The following TMEM218 variants were observed in gnomAD, a reference collection of about 807,000 sequenced individuals.
The protein encoded by TMEM218 is transmembrane protein 218.
Under a neutral mutation model 10.0 loss-of-function variants are expected in TMEM218, and 8 were observed. The observed-to-expected ratio is 0.80, with a 90% confidence interval of 0.47 to 1.44. TMEM218 has a LOEUF of 1.44. Ranked by LOEUF, TMEM218 falls within the 40% of genes most tolerant of loss-of-function variation. TMEM218 has a pLI of 0.00. For missense variants in TMEM218, 110 were observed against 140.1 expected (o/e 0.79, Z 1.08); for synonymous variants, 66 against 63.5 (o/e 1.04, Z -0.18).
chr11:125,096,549 A>G lies in TMEM218; in HGVS notation c.*1057T>C, dbSNP rs1949676565. ...TGAGACCGTTGTAAAAATTAAATAA[A>G]TTAAACCTCAAAGGAATTAGTGTGC... On this transcript the variant is annotated 3_prime_UTR_variant, in exon 5 of 5. Coordinates refer to ENST00000682305, the MANE Select transcript of TMEM218 (RefSeq NM_001258244.2). 1 of 152,232 alleles carries G rather than the reference A, an allele frequency of 6.6e-6. No homozygotes were observed. The highest frequency in any genetic ancestry group is 6.5e-5 in the Admixed American group (1 of 15,286). The allele number at this position is 152,232 out of a possible 1,614,324, so 9.4% of individuals were successfully genotyped here.
intron 4 of TMEM218, among the ~76,000 whole-genome samples, chr11:125,099,179 C>T (rs1019593010): frequency 1.3e-5 from 2 of 152,186 alleles, no homozygotes; most frequent in African/African-American, 4.8e-5. Context: ...TCCAAAGACA[C>T]CTCAGCTGCT....
At chr11:125,104,935 C>G (rs1438428981) in intron 1 of TMEM218, 1 of 152,186 alleles carries the variant, frequency 6.6e-6, no homozygotes, top group Admixed American at 6.5e-5. Context: ...AAGGCCTGAG[C>G]TGAGCCTAAA....
At chr11:125,098,058 A>G (rs2276084) in intron 4 of TMEM218, among the ~76,000 whole-genome samples, 79,998 of 152,118 alleles carry the variant, frequency 0.53, 21,878 homozygotes, top group East Asian at 0.69. Context: ...AAGCTTTTGC[A>G]TGGTCCTAGA....
rs1953240171 is a variant in TMEM218, at chr11:125,109,681, C to T, written c.-153+1858G>A. Among the ~76,000 whole-genome samples, 6 of 152,206 alleles carry T rather than the reference C, an allele frequency of 3.9e-5. No individual in the cohort carries two copies. In the South Asian group the frequency reaches 1.0e-3, roughly 26 times the overall value. ...ATAAGAGATGATGAGGGTCTGACCT[C>T]CAGTCTTAGCTGTGTCAAGGGAGAA... On this transcript the variant is annotated intron_variant, in intron 1 of 4. Coordinates refer to ENST00000682305, the MANE Select transcript of TMEM218 (RefSeq NM_001258244.2).
At chr11:125,101,673 G>C in intron 3 of TMEM218, 1 of 584,456 alleles carries the variant, frequency 1.7e-6, no homozygotes, top group Non-Finnish European at 2.9e-6. Context: ...TACTAACACT[G>C]TCTTGCCAGA....
chr11:125,103,463 C>G (rs1376607286), intron 1 of TMEM218: 2 of 152,334 alleles, frequency 1.3e-5, no homozygotes, highest in East Asian at 3.9e-4. Context: ...TCTGGTAGCT[C>G]CAGGCACCAT....
At chr11:125,106,132 G>T (rs1466629931) in intron 1 of TMEM218, among the ~76,000 whole-genome samples, 1 of 152,028 alleles carries the variant, frequency 6.6e-6, no homozygotes, top group Non-Finnish European at 1.5e-5. Context: ...AAGCATCTTG[G>T]AGCTCTGTTT....
rs764847073 is a variant in TMEM218 at position 125,102,273 on chromosome 11, T to C, written c.-32A>G. On this transcript the variant is annotated 5_prime_UTR_variant, in exon 3 of 5. Transcript: ENST00000682305. ...GGGAGGCAGCGGCGGCCCCCCGCCC[T>C]GCGCGCCGCACGATCGAGTGTCCTC... 1.9e-6 allele frequency: 3 copies of C among 1,605,812 alleles called. No homozygotes were observed. The highest frequency in any genetic ancestry group is 1.1e-5 in the South Asian group (1 of 90,394).
rs372694804 is a variant in TMEM218, at chr11:125,102,268, C to G, written c.-27G>C. 6 of 1,606,194 alleles carry G rather than the reference C, an allele frequency of 3.7e-6. No individual in the cohort carries two copies. Among genetic ancestry groups the G allele is most frequent in the South Asian group, 3.3e-5 (3 of 90,454 alleles). ...CCGCGGGGAGGCAGCGGCGGCCCCC[C>G]GCCCTGCGCGCCGCACGATCGAGTG... On this transcript the variant is annotated 5_prime_UTR_variant, in exon 3 of 5. Transcript: ENST00000682305.
At chr11:125,100,688 C>T (rs558521897) in intron 4 of TMEM218, among the ~76,000 whole-genome samples, 5 of 152,238 alleles carry the variant, frequency 3.3e-5, no homozygotes, top group African/African-American at 1.2e-4. Context: ...GGTATGGTCC[C>T]AGGTATGAGG....
intron 4 of TMEM218, among the ~76,000 whole-genome samples, chr11:125,098,819 G>A (rs1304960706): frequency 6.6e-6 from 1 of 152,196 alleles, no homozygotes; most frequent in African/African-American, 2.4e-5. Flanking sequence ...GGGAGAGAGG[G>A]TCAGAGCAAG....
chr11:125,101,184 G>T lies in TMEM218; in HGVS notation c.213+17C>A. On this transcript the variant is annotated intron_variant, in intron 4 of 4. Coordinates refer to ENST00000682305, the MANE Select transcript of TMEM218 (RefSeq NM_001258244.2). ...AGAATCACAGCTCAGGAGGCAAAAC[G>T]AAAGCAACAGCTTTACCTTAACTTC... 4 of 1,609,276 alleles carry T rather than the reference G, an allele frequency of 2.5e-6. No individual in the cohort carries two copies. Among genetic ancestry groups the T allele is most frequent in the Non-Finnish European group, 3.4e-6 (4 of 1,176,508 alleles).
rs1313873387 is a variant in TMEM218, at chr11:125,101,296, CA to C, written c.117del (p.Val40SerfsTer9). On this transcript the variant is annotated frameshift_variant, in exon 4 of 5. Coordinates refer to ENST00000682305, the MANE Select transcript of TMEM218 (RefSeq NM_001258244.2). LOFTEE classifies it high-confidence loss of function. ...LSRASGAARF[S>X]VIFLFFGAVI... ...ACAGCACCGAAGAATAAAAAAATGA[CA>C]GAGAACCTGGGGTTAAAAAGACAAA... The C allele has an allele frequency of 1.9e-6, 3 of 1,611,616 alleles. No homozygotes were observed. In the African/African-American group the frequency reaches 4.0e-5, roughly 22 times the overall value.
chr11:125,102,136 C>A lies in TMEM218; in HGVS notation c.106G>T (p.Ala36Ser). The A allele has an allele frequency of 6.4e-7, 1 of 1,553,876 alleles. No individual in the cohort carries two copies. The highest frequency in any genetic ancestry group is 8.7e-7 in the Non-Finnish European group (1 of 1,155,002). Residue 36 changes from alanine to serine, a missense_variant, in exon 3 of 5, where the codon GCG (alanine) becomes TCG (serine). Physicochemically the swap from Ala to Ser is moderately conservative, Grantham distance 99. Transcript: ENST00000682305. ...CVLLSRASGAARFSVIFLFFG... is the reference protein window; with the variant it reads ...CVLLSRASGASRFSVIFLFFG... Reference sequence around the variant, plus strand: ...CAGTTGGACAGAATGCCTTACCTCGCCGCCCCGGAGGCTCTGGACAGCAGC... The same window carrying A: ...CAGTTGGACAGAATGCCTTACCTCGACGCCCCGGAGGCTCTGGACAGCAGC...
intron 1 of TMEM218, chr11:125,104,500 T>C (rs575167174): frequency 2.0e-5 from 3 of 152,390 alleles, no homozygotes; most frequent in African/African-American, 7.2e-5. Context: ...CATCACTCTA[T>C]TTCCTTCAGA....
Position 125,096,180 on chromosome 11 carries a change from T to G in TMEM218, c.*1426A>C, listed in dbSNP as rs761571917. On this transcript the variant is annotated 3_prime_UTR_variant, in exon 5 of 5. Coordinates refer to ENST00000682305, the MANE Select transcript of TMEM218 (RefSeq NM_001258244.2). ...AAGTAAGATAAAGGAAATGGTTCAA[T>G]GTAGGGATAACTATACCTGGCCCTC... Among the ~76,000 whole-genome samples, 3 of 152,208 alleles carry G rather than the reference T, an allele frequency of 2.0e-5. No homozygotes were observed. Among genetic ancestry groups the G allele is most frequent in the Non-Finnish European group, 4.4e-5 (3 of 68,042 alleles).
rs1266398954 is a variant in TMEM218 at position 125,095,206 on chromosome 11, C to G, written c.*2400G>C. ...TATATAGAAACCCAGATTTACTCTC[C>G]CTCTCCACCTTCTAAACAGTGGGGA... On this transcript the variant is annotated 3_prime_UTR_variant, in exon 5 of 5. Transcript: ENST00000682305. Among the ~76,000 whole-genome samples, 2 of 152,146 alleles carry G rather than the reference C, an allele frequency of 1.3e-5. No homozygotes were observed. The highest frequency in any genetic ancestry group is 3.8e-4 in the East Asian group (2 of 5,196).
chr11:125,096,899 G>GA lies in TMEM218; in HGVS notation c.*706dup, dbSNP rs1266881279. On this transcript the variant is annotated 3_prime_UTR_variant, in exon 5 of 5. Coordinates refer to ENST00000682305, the MANE Select transcript of TMEM218 (RefSeq NM_001258244.2). ...ACACACAGCCCACCACATCATGGAA[G>GA]AAAAAAACCTACAGATACATGGCAA... 1 of 152,018 alleles carries GA rather than the reference G, an allele frequency of 6.6e-6. No individual in the cohort carries two copies. The highest frequency in any genetic ancestry group is 1.5e-5 in the Non-Finnish European group (1 of 67,982). 9.4% of individuals were successfully genotyped at this position (152,018 alleles called of 1,614,324 possible). A position where few individuals can be genotyped will look rare whatever the true frequency, so the allele number is the denominator to read the frequency against.
At chr11:125,102,061 G>C (rs1216570853) in intron 3 of TMEM218, 71 bp downstream of exon 3, 2 of 1,439,774 alleles carry the variant, frequency 1.4e-6, no homozygotes, top group Non-Finnish European at 1.8e-6. Context: ...AATTCTAAAT[G>C]TTTAGTGAGC....
Sources: allele counts gnomAD v4.1 joint callset (sites outside exome capture counted in the v4.1 genomes callset), GRCh38; gene constraint gnomAD v4.1.1; transcripts MANE v1.5; gene names NCBI Gene and HGNC (gene_info 2026-07-23, HGNC 2026-07-21).